The following GALK1 variants were observed in gnomAD, a reference collection of about 807,000 sequenced individuals.
GALK1 encodes galactokinase.
Under a neutral mutation model 38.6 loss-of-function variants are expected in GALK1, and 30 were observed. That is an observed-to-expected ratio of 0.78 (90% CI 0.58 to 1.05). The LOEUF (loss-of-function observed/expected upper bound fraction) is 1.05, where lower values mean the gene tolerates loss of function less well. Among genes scored for constraint, GALK1 ranks in the 50% least tolerant of loss-of-function variants. The pLI is 0.00. For synonymous variants in GALK1, 240 were observed against 233.6 expected, an observed-to-expected ratio of 1.03 and a Z score of -0.25; for missense variants, 512 against 540.5, an observed-to-expected ratio of 0.95 and a Z score of 0.52.
chr17:75,756,887 G>C (rs2603508), downstream of GALK1: 1 of 1,612,176 alleles, frequency 6.2e-7, no homozygotes, highest in Non-Finnish European at 8.5e-7. Flanking sequence ...GGCAGGAGTG[G>C]CCAGGGGAGG....
intron 8 of GALK1, chr17:75,752,300 G>T: frequency 6.2e-7 from 1 of 1,613,184 alleles, no homozygotes. Context: ...GCCGGCTGGG[G>T]GCCTGAGCGG....
chr17:75,756,743 C>T (rs563796869), downstream of GALK1: 26 of 1,613,104 alleles, frequency 1.6e-5, no homozygotes, highest in East Asian at 6.7e-5. Context: ...GCCCCAGGCC[C>T]GCTGGTGTTC....
At chr17:75,753,791 C>A (rs780995540), downstream of GALK1, 3 of 1,457,846 alleles carry the variant, frequency 2.1e-6, no homozygotes. Flanking sequence ...CGAGCCCCTG[C>A]TGGGGGAGGA....
downstream of GALK1, among the ~76,000 whole-genome samples, chr17:75,756,036 G>A (rs903469280): frequency 6.6e-6 from 1 of 152,176 alleles, no homozygotes; most frequent in African/African-American, 2.4e-5. Flanking sequence ...CCTCTTCTGA[G>A]GTCTCACCCA....
At chr17:75,753,811 G>C, downstream of GALK1, 1 of 1,467,168 alleles carries the variant, frequency 6.8e-7, no homozygotes, top group Non-Finnish European at 9.0e-7. Flanking sequence ...AGCTGGACCT[G>C]CGGCGCGTCA....
downstream of GALK1, chr17:75,751,480 T>C (rs1286580184): frequency 3.0e-6 from 1 of 331,528 alleles, no homozygotes; most frequent in Non-Finnish European, 5.8e-6. Context: ...GAATTTCAGA[T>C]AGCACTTTAA....
At chr17:75,755,726 C>T (rs753610406), downstream of GALK1, 114 of 1,612,742 alleles carry the variant, frequency 7.1e-5, no homozygotes, top group Admixed American at 1.7e-4. Flanking sequence ...CTGGTGTGCC[C>T]GACACGCCCA....
Position 75,757,929 on chromosome 17 carries a change from G to A in GALK1, c.*127C>T. The A allele has an allele frequency of 9.3e-7, 1 of 1,071,236 alleles. No individual in the cohort carries two copies. 66.4% of individuals were successfully genotyped at this position (1,071,236 alleles called of 1,614,324 possible). On this transcript the variant is annotated 3_prime_UTR_variant, in exon 8 of 8. Coordinates refer to ENST00000588479, the MANE Select transcript of GALK1 (RefSeq NM_000154.2). ...CCCAAGCATACACCCACCTCTAGAG[G>A]AGGCAGGTACCACATTGGAGGCACA... is the stretch of plus-strand genomic sequence containing the variant.
rs140053358 is a variant in GALK1, at chr17:75,762,750, C to T, written c.747G>A (p.Ala249=). The T allele has an allele frequency of 4.6e-4, 750 of 1,613,880 alleles. No individual in the cohort carries two copies. The highest frequency in any genetic ancestry group is 8.3e-4 in the Middle Eastern group (5 of 6,058). Residue 249 remains alanine (A), a synonymous_variant, in exon 5 of 8, where the codon GCG becomes GCA. Coordinates refer to ENST00000588479, the MANE Select transcript of GALK1 (RefSeq NM_000154.2). ...CCTCCCGGAGGCTTTCCTTGCCCAG[C>T]GCCCGGGCCACTTCTTCACATTGGC... ...RRRQCEEVAR[A]LGKESLREVQ... is the part of the protein sequence containing the mutation.
downstream of GALK1, chr17:75,754,438 T>C: frequency 9.4e-7 from 1 of 1,058,690 alleles, no homozygotes; most frequent in Non-Finnish European, 1.4e-6. Context: ...CTGTCCCTAG[T>C]GGTTTGAGGG....
chr17:75,761,619 C>CAA (rs1308592639), intron 5 of GALK1, among the ~76,000 whole-genome samples: 2 of 48,652 alleles, frequency 4.1e-5, no homozygotes, highest in Non-Finnish European at 4.2e-5. Context: ...TCCACCTCAC[C>CAA]AAAAAAAAAA....
downstream of GALK1, chr17:75,754,069 C>A: frequency 2.0e-6 from 1 of 509,900 alleles, no homozygotes; most frequent in Non-Finnish European, 3.1e-6. Context: ...CTCGGGGGCC[C>A]CAGTTTCAGC....
At chr17:75,755,767 CAT>C, downstream of GALK1, 1 of 1,612,788 alleles carries the variant, frequency 6.2e-7, no homozygotes, top group Non-Finnish European at 8.5e-7. Context: ...CTGGGGCCCA[CAT>C]CTCTCAGAGT....
downstream of GALK1, chr17:75,757,205 T>C (rs375857348): frequency 1.2e-6 from 2 of 1,611,512 alleles, no homozygotes; most frequent in Non-Finnish European, 1.7e-6. Flanking sequence ...CCCAGGACCC[T>C]TCCCGCAGCT....
At chr17:75,752,392 G>A (rs774356182) in intron 8 of GALK1, 1 of 1,612,664 alleles carries the variant, frequency 6.2e-7, no homozygotes, top group East Asian at 2.2e-5. Context: ...GGCAGACCGG[G>A]CAGGGGGGCA....
downstream of GALK1, chr17:75,757,295 G>C (rs375975797): frequency 6.2e-7 from 1 of 1,612,046 alleles, no homozygotes; most frequent in South Asian, 1.1e-5. Flanking sequence ...CAGCGCCACC[G>C]AGCCCTTCCT....
chr17:75,756,867 C>T (rs769909975), downstream of GALK1: 2 of 1,612,260 alleles, frequency 1.2e-6, no homozygotes, highest in Non-Finnish European at 1.7e-6. Flanking sequence ...GAGGTGCTGC[C>T]CACCCCGGGG....
downstream of GALK1, chr17:75,757,657 C>G (rs772616419): frequency 3.3e-6 from 5 of 1,506,050 alleles, no homozygotes; most frequent in African/African-American, 5.5e-5. Flanking sequence ...GGGGGCCCAG[C>G]CCACCCGCAT....
downstream of GALK1, among the ~76,000 whole-genome samples, chr17:75,756,192 C>T (rs1274196359): frequency 6.6e-6 from 1 of 152,170 alleles, no homozygotes; most frequent in South Asian, 2.1e-4. Context: ...ACATTCAAAG[C>T]AGCATGACCA....
Sources: allele counts gnomAD v4.1 joint callset (sites outside exome capture counted in the v4.1 genomes callset), GRCh38; gene constraint gnomAD v4.1.1; transcripts MANE v1.5; gene names NCBI Gene and HGNC (gene_info 2026-07-23, HGNC 2026-07-21).